SHANK1: variants seen among roughly 807,000 people sequenced by gnomAD.
SHANK1 encodes the protein SH3 and multiple ankyrin repeat domains 1.
SHANK1 carries 35 observed loss-of-function variants against 165.6 expected under a neutral mutation model. The observed-to-expected ratio is 0.21, with a 90% CI of 0.16 to 0.28. The LOEUF is 0.28. SHANK1 is among the 10% of genes least tolerant of loss of function. SHANK1 has a pLI of 1.00. For synonymous variants in SHANK1, 1,428 were observed against 1,384.8 expected (o/e 1.03, Z -0.69); for missense variants, 2,681 against 3,036.4 (o/e 0.88, Z 2.75).
Position 50,668,018 on chromosome 19 carries a change from CCCGTAGCCG to C in SHANK1, c.3933_3941del (p.Gly1312_Gly1314del). On this transcript the variant is annotated inframe_deletion, in exon 23 of 24. Coordinates refer to ENST00000293441, the MANE Select transcript of SHANK1 (RefSeq NM_016148.5). ...CACCCCCGTAGGCTCGGCTACCGGC[CCCGTAGCCG>C]CCGTAGCCCGCGCCGCTGCCCGCAG... 6.8e-7 allele frequency: 1 copy of C among 1,476,216 alleles called. No individual in the cohort carries two copies. The highest frequency in any genetic ancestry group is 1.3e-5 in the South Asian group (1 of 78,288). 91.4% of individuals were successfully genotyped at this position (1,476,216 alleles called of 1,614,324 possible).
At chr19:50,683,749 C>G (rs927469597) in intron 21 of SHANK1, among the ~76,000 whole-genome samples, 1 of 152,204 alleles carries the variant, frequency 6.6e-6, no homozygotes, top group Non-Finnish European at 1.5e-5. Flanking sequence ...TAGGGCTACT[C>G]AAGATTTTCT....
rs756811356 is a variant in SHANK1, at chr19:50,714,233, G to A, written c.589C>T (p.Arg197Trp). ...VQLGTSDKVARLLDKGLDPNY... is the reference protein window; with the variant it reads ...VQLGTSDKVAWLLDKGLDPNY... ...GGGTCCAGCCCCTTGTCCAGCAGCC[G>A]CGCCACCTTGTCAGATGTCCCGAGC... Residue 197 changes from arginine (R) to tryptophan (W), a missense_variant, in exon 5 of 24, where the codon CGG (arginine) becomes TGG (tryptophan). Arg to Trp is a moderately radical substitution (Grantham distance 101). Transcript: ENST00000293441. The A allele has an allele frequency of 2.1e-5, 34 of 1,613,960 alleles. No individual in the cohort carries two copies. The highest frequency in any genetic ancestry group is 2.5e-5 in the Non-Finnish European group (29 of 1,180,014).
intron 16 of SHANK1, 46 bp downstream of exon 16, chr19:50,689,150 TG>T: frequency 6.8e-7 from 1 of 1,467,376 alleles, no homozygotes; most frequent in Non-Finnish European, 9.5e-7. Context: ...GCCCTGCTTC[TG>T]GGGTCACAGA....
chr19:50,663,757 GAAAAGA>G (rs1373032479), intron 23 of SHANK1, among the ~76,000 whole-genome samples: 3 of 121,746 alleles, frequency 2.5e-5, no homozygotes, highest in Non-Finnish European at 3.7e-5. Flanking sequence ...AAAAAAAAAA[GAAAAGA>G]AAAAAAAAAT....
intron 15 of SHANK1, among the ~76,000 whole-genome samples, chr19:50,693,654 C>T (rs1051566192): frequency 6.6e-6 from 1 of 152,102 alleles, no homozygotes; most frequent in African/African-American, 2.4e-5. Context: ...ACCCCCAACC[C>T]CGCACTCAGC....
chr19:50,672,576 A>AAAAAAAAAG (rs1568430014), intron 21 of SHANK1, among the ~76,000 whole-genome samples: 2 of 151,042 alleles, frequency 1.3e-5, no homozygotes, highest in African/African-American at 4.9e-5. Flanking sequence ...AAAAAAAAAA[A>AAAAAAAAAG]AAAAGAAAAG....
rs2123089827 is a variant in SHANK1 at position 50,670,213 on chromosome 19, A to G, written c.2675-928T>C. 6.6e-6 allele frequency among the ~76,000 whole-genome samples: 1 copy of G among 152,114 alleles called. No homozygotes were observed. Among genetic ancestry groups the G allele is most frequent in the Non-Finnish European group, 1.5e-5 (1 of 67,992 alleles). On this transcript the variant is annotated intron_variant, in intron 22 of 23. Coordinates refer to ENST00000293441, the MANE Select transcript of SHANK1 (RefSeq NM_016148.5). This position sits in a 1 kb window ranked among gnomAD's most constrained non-coding sequence, Gnocchi z 4.1. Reference sequence around the variant, plus strand: ...CGGTCCCTCCCCACCACCGCAGCAAACAGCAGCTCTGTCCTTTCAGGTGCT... The same window carrying G: ...CGGTCCCTCCCCACCACCGCAGCAAGCAGCAGCTCTGTCCTTTCAGGTGCT...
In SHANK1 at chr19:50,667,159, G is replaced by A. The variant is rs900814712; in HGVS notation, c.4801C>T (p.Pro1601Ser). Reference protein sequence around the residue: ...PLPDTPAPATPLPPVPPPAVA... With the variant: ...PLPDTPAPATSLPPVPPPAVA... ...GCCGGGGGTGGCACAGGGGGTAACGGGGTGGCAGGGGCAGGTGTGTCGGGC... is the reference window on the plus strand; with the variant it reads ...GCCGGGGGTGGCACAGGGGGTAACGAGGTGGCAGGGGCAGGTGTGTCGGGC... Residue 1601 changes from proline (P) to serine (S), a missense_variant, in exon 23 of 24, where the codon CCG (proline) becomes TCG (serine). By Grantham distance (74) the Pro-to-Ser change is moderately conservative. This residue lies in a region of SHANK1 where 1,713 missense variants were observed against 1,630.2 expected (regional missense o/e 1.05). Transcript: ENST00000293441. The surrounding 1 kb of genome is among the most constrained non-coding windows in gnomAD (Gnocchi z 5.7). The A allele has an allele frequency of 6.4e-7, 1 of 1,558,500 alleles. No homozygotes were observed.
chr19:50,693,120 CACAT>C (rs1189154862), intron 15 of SHANK1, among the ~76,000 whole-genome samples: 1 of 151,794 alleles, frequency 6.6e-6, no homozygotes, highest in African/African-American at 2.4e-5. Context: ...CTCACTTCAC[CACAT>C]GCCCTCCCGC....
At position 50,688,217 on chromosome 19, in the gene SHANK1, C is replaced by G. The variant is rs1413594898; in HGVS notation, c.2173-159G>C. On this transcript the variant is annotated intron_variant, in intron 17 of 23. Transcript: ENST00000293441. This position sits in a 1 kb window ranked among gnomAD's most constrained non-coding sequence, Gnocchi z 6.7. ...CCCTTCATACCACCGCCTCCCTGGG[C>G]AAGCCCCCTTTCCCACCCTCCCTGG... Among the ~76,000 whole-genome samples, 1 of 152,168 alleles carries G rather than the reference C, an allele frequency of 6.6e-6. No individual in the cohort carries two copies. The highest frequency in any genetic ancestry group is 1.5e-5 in the Non-Finnish European group (1 of 68,018).
rs746014607 is a variant in SHANK1, at chr19:50,669,173, C to G, written c.2787G>C (p.Pro929=). 4.4e-6 allele frequency: 7 copies of G among 1,576,828 alleles called. No homozygotes were observed. Among genetic ancestry groups the G allele is most frequent in the Non-Finnish European group, 6.0e-6 (7 of 1,163,412 alleles). The part of the protein sequence containing the change: ...DIPPPPTTSP[P]EPPYSTPPVP... ...CTGGAGGTGTGCTGTAGGGAGGCTC[C>G]GGTGGGGACGTGGTGGGTGGCGGGG... Residue 929 remains proline, a synonymous_variant, in exon 23 of 24, where the codon CCG becomes CCC. Transcript: ENST00000293441.
chr19:50,688,942 G>C lies in SHANK1; in HGVS notation c.2074C>G (p.Pro692Ala). Residue 692 changes from proline (P) to alanine (A), a missense_variant, in exon 17 of 24, where the codon CCC (proline) becomes GCC (alanine). This residue lies in a region of SHANK1 where 147 missense variants were observed against 256.5 expected (regional missense o/e 0.57). Transcript: ENST00000293441. The surrounding 1 kb of genome is among the most constrained non-coding windows in gnomAD (Gnocchi z 6.7). ...TGCAGCGCCGGGAAGGCCGGGGTGG[G>C]GGTGAACTCCTCGATGGGGGTCTGC... ...KAQTPIEEFT[P>A]TPAFPALQYL... 1 of 1,555,344 alleles carries C rather than the reference G, an allele frequency of 6.4e-7. No individual in the cohort carries two copies. Among genetic ancestry groups the C allele is most frequent in the Non-Finnish European group, 8.7e-7 (1 of 1,148,622 alleles).
chr19:50,678,133 AGAGGCCGTG>A (rs1245213381), intron 21 of SHANK1, among the ~76,000 whole-genome samples: 8 of 152,344 alleles, frequency 5.3e-5, no homozygotes, highest in African/African-American at 1.9e-4. Context: ...TGATAATGAA[AGAGGCCGTG>A]GATCAGAGAG....
Position 50,686,961 on chromosome 19 carries a change from G to T in SHANK1, c.2390-149C>A. On this transcript the variant is annotated intron_variant, in intron 19 of 23. Transcript: ENST00000293441. The surrounding 1 kb of genome is among the most constrained non-coding windows in gnomAD (Gnocchi z 5.7). Reference sequence around the variant, plus strand: ...AGGGGCCGGGGTCAGGGAGGGGCGAGTCCGCCGGCGGGGTCGGGAGACGGG... The same window carrying T: ...AGGGGCCGGGGTCAGGGAGGGGCGATTCCGCCGGCGGGGTCGGGAGACGGG... 1 of 1,366,058 alleles carries T rather than the reference G, an allele frequency of 7.3e-7. No individual in the cohort carries two copies. The highest frequency in any genetic ancestry group is 9.6e-7 in the Non-Finnish European group (1 of 1,038,472). The allele number at this position is 1,366,058 out of a possible 1,614,324, so 84.6% of individuals were successfully genotyped here.
In SHANK1 at chr19:50,661,946, G is replaced by T; in HGVS notation, c.*19C>A. ...GCTCAAGAGTTCTGTGGACGGGGCT[G>T]GTCCGTCCAGGCCAGCCATCACCTC... On this transcript the variant is annotated 3_prime_UTR_variant, in exon 24 of 24. Coordinates refer to ENST00000293441, the MANE Select transcript of SHANK1 (RefSeq NM_016148.5). 6.2e-7 allele frequency: 1 copy of T among 1,612,948 alleles called. No individual in the cohort carries two copies. Among genetic ancestry groups the T allele is most frequent in the Non-Finnish European group, 8.5e-7 (1 of 1,179,770 alleles).
Position 50,711,446 on chromosome 19 carries a change from A to G in SHANK1, c.1002T>C (p.Leu334=), listed in dbSNP as rs1190112394. 6.4e-6 allele frequency: 10 copies of G among 1,567,766 alleles called. No homozygotes were observed. Among genetic ancestry groups the G allele is most frequent in the Non-Finnish European group, 7.8e-6 (9 of 1,156,580 alleles). ...GGGCTCCAGGCTCAGCCCCGTAGAAAAGCAGATGCTCCAGGTGCTGAGAGT... is the reference window on the plus strand; with the variant it reads ...GGGCTCCAGGCTCAGCCCCGTAGAAGAGCAGATGCTCCAGGTGCTGAGAGT... ...RGHSQHLEHL[L]FYGAEPGAQN... The change falls in exon 8 of 24, where the codon CTT becomes CTC. Residue 334 remains leucine (L), a synonymous_variant. Coordinates refer to ENST00000293441, the MANE Select transcript of SHANK1 (RefSeq NM_016148.5).
chr19:50,676,646 T>A (rs1312556618), intron 21 of SHANK1, among the ~76,000 whole-genome samples: 2 of 152,200 alleles, frequency 1.3e-5, no homozygotes, highest in Non-Finnish European at 2.9e-5. Context: ...CTCCTTTAAC[T>A]GATGACAGTT....
At chr19:50,712,305 C>T (rs572734709) in intron 6 of SHANK1, among the ~76,000 whole-genome samples, 191 bp from the exon 7 acceptor site, 2 of 152,352 alleles carry the variant, frequency 1.3e-5, no homozygotes, top group African/African-American at 2.4e-5. Flanking sequence ...ACTCTGATTC[C>T]GTGTGAACAA....
In SHANK1 at chr19:50,664,509, T is replaced by C. The variant is rs531770825; in HGVS notation, c.5768+1683A>G. On this transcript the variant is annotated intron_variant, in intron 23 of 23. Transcript: ENST00000293441. Reference sequence around the variant, plus strand: ...ACACTAAATCCTCTCAAAAACTCTTTGGGCTGGCACTAGGCCATTCCACTT... The same window carrying C: ...ACACTAAATCCTCTCAAAAACTCTTCGGGCTGGCACTAGGCCATTCCACTT... Among the ~76,000 whole-genome samples the C allele has an allele frequency of 2.1e-4, 32 of 152,344 alleles. No individual in the cohort carries two copies. In the South Asian group the frequency reaches 4.1e-3, roughly 20 times the overall value.
Sources: allele counts gnomAD v4.1 joint callset (sites outside exome capture counted in the v4.1 genomes callset), GRCh38; gene constraint gnomAD v4.1.1; regional missense constraint gnomAD v4.1.1; non-coding constraint Gnocchi (gnomAD v3.1); transcripts MANE v1.5; gene names NCBI Gene and HGNC (gene_info 2026-07-23, HGNC 2026-07-21).